The following DSCAML1 variants were observed in gnomAD, a reference collection of about 807,000 sequenced individuals.
DSCAML1 encodes DS cell adhesion molecule like 1, also known as cell adhesion molecule DSCAML1.
A neutral mutation model predicts 200.5 loss-of-function variants in DSCAML1; 38 were observed. The ratio of observed to expected loss-of-function variants is 0.19; its 90% confidence interval spans 0.15 to 0.25. The LOEUF is 0.25. Ranked by LOEUF, DSCAML1 falls within the 10% of genes least tolerant of loss-of-function variation. The probability of loss-of-function intolerance (pLI) is 1.00; values close to 1 mark genes in which losing one functional copy is unlikely to be tolerated. For synonymous variants in DSCAML1, 1,215 were observed against 1,165.0 expected, an observed-to-expected ratio of 1.04 and a Z score of -0.87; for missense variants, 2,223 against 2,858.8, an observed-to-expected ratio of 0.78 and a Z score of 5.07.
At chr11:117,592,901 C>A (rs1320511069) in intron 3 of DSCAML1, among the ~76,000 whole-genome samples, 1 of 152,248 alleles carries the variant, frequency 6.6e-6, no homozygotes, top group East Asian at 1.9e-4. Context: ...AGGGCTTTGA[C>A]CTCAGGCAGC....
chr11:117,706,665 G>A (rs1045690308), intron 3 of DSCAML1, among the ~76,000 whole-genome samples: 9 of 152,216 alleles, frequency 5.9e-5, no homozygotes, highest in African/African-American at 1.9e-4. Context: ...CAGCATTGGG[G>A]AGGAAGGAGG....
intron 3 of DSCAML1, among the ~76,000 whole-genome samples, chr11:117,591,831 G>T (rs2051265026): frequency 6.6e-6 from 1 of 152,144 alleles, no homozygotes; most frequent in Non-Finnish European, 1.5e-5. Context: ...CTTTGCTTGG[G>T]ACTCTCTGTC....
At chr11:117,475,961 CATCTCCCTGACCCTG>C (rs1218700052) in intron 14 of DSCAML1, among the ~76,000 whole-genome samples, 1 of 152,162 alleles carries the variant, frequency 6.6e-6, no homozygotes, top group East Asian at 1.9e-4. Context: ...TGATCACTGT[CATCTCCCTGACCCTG>C]AATGGCTGAG....
intron 3 of DSCAML1, among the ~76,000 whole-genome samples, chr11:117,558,717 A>T (rs2050603828): frequency 6.6e-6 from 1 of 152,232 alleles, no homozygotes. Context: ...AAGCTCCCCG[A>T]AAAAGAAATT....
intron 3 of DSCAML1, among the ~76,000 whole-genome samples, chr11:117,656,202 C>T (rs2052731792): frequency 6.6e-6 from 1 of 152,248 alleles, no homozygotes; most frequent in Non-Finnish European, 1.5e-5. Flanking sequence ...CACGCCACTG[C>T]ACTCCAGCCT....
At chr11:117,730,105 A>C (rs544015430) in intron 3 of DSCAML1, among the ~76,000 whole-genome samples, 1 of 152,306 alleles carries the variant, frequency 6.6e-6, no homozygotes, top group South Asian at 2.1e-4. Context: ...AGGTGGAGGC[A>C]GGAGAATCGT....
At chr11:117,663,723 T>G (rs1417270056) in intron 3 of DSCAML1, among the ~76,000 whole-genome samples, 1 of 152,192 alleles carries the variant, frequency 6.6e-6, no homozygotes, top group Non-Finnish European at 1.5e-5. Context: ...GGAGCAGAGC[T>G]GTTTCCCTCT....
chr11:117,662,903 C>T (rs150318785), intron 3 of DSCAML1, among the ~76,000 whole-genome samples: 1 of 152,280 alleles, frequency 6.6e-6, no homozygotes, highest in African/African-American at 2.4e-5. Context: ...AGATGATTCC[C>T]AAGCATGTGA....
chr11:117,512,665 CACACACACACACACACACACAT>C (rs1178638236), intron 8 of DSCAML1, among the ~76,000 whole-genome samples: 67 of 134,466 alleles, frequency 5.0e-4, no homozygotes, highest in African/African-American at 1.2e-3. Flanking sequence ...CACACACACA[CACACACACACACACACACACAT>C]GCCTGCTATG....
At chr11:117,654,870 C>T (rs1261894001) in intron 3 of DSCAML1, among the ~76,000 whole-genome samples, 3 of 151,984 alleles carry the variant, frequency 2.0e-5, no homozygotes, top group East Asian at 1.9e-4. Flanking sequence ...TGCTTTATTC[C>T]GGGTACCCTG....
chr11:117,533,179 A>G (rs2137346365), intron 3 of DSCAML1, among the ~76,000 whole-genome samples: 1 of 152,276 alleles, frequency 6.6e-6, no homozygotes, highest in South Asian at 2.1e-4. Flanking sequence ...TGTCTGGTGC[A>G]GAATAAGCCC....
chr11:117,767,937 T>C (rs994180464), intron 3 of DSCAML1, among the ~76,000 whole-genome samples: 1 of 152,282 alleles, frequency 6.6e-6, no homozygotes, highest in Middle Eastern at 3.4e-3. Flanking sequence ...CATACACTTA[T>C]GGACTCATAC....
At chr11:117,578,880 T>C (rs939611693) in intron 3 of DSCAML1, among the ~76,000 whole-genome samples, 9 of 152,156 alleles carry the variant, frequency 5.9e-5, no homozygotes, top group Non-Finnish European at 7.3e-5. Flanking sequence ...AAAGTGATCA[T>C]GTTCAGCACA....
chr11:117,742,371 C>A (rs1443583005), intron 3 of DSCAML1, among the ~76,000 whole-genome samples: 2 of 152,186 alleles, frequency 1.3e-5, no homozygotes, highest in Non-Finnish European at 1.5e-5. Context: ...AGCTAAATCC[C>A]TAGGTTGAGC....
Position 117,780,300 on chromosome 11 carries a change from G to A in DSCAML1, c.364+193C>T, listed in dbSNP as rs144492162. On this transcript the variant is annotated intron_variant, in intron 2 of 32. Coordinates refer to ENST00000651296, the MANE Select transcript of DSCAML1 (RefSeq NM_020693.4). The surrounding 1 kb of genome is among the most constrained non-coding windows in gnomAD (Gnocchi z 4.8). The stretch of plus-strand genomic sequence containing the variant: ...AGAAAGAAAGAAAGAAAGAAAGAAA[G>A]AAAGAGAGAAAGGAGAAAGAAAGGT... Among the ~76,000 whole-genome samples, 1 of 111,956 alleles carries A rather than the reference G, an allele frequency of 8.9e-6. No individual in the cohort carries two copies. The highest frequency in any genetic ancestry group is 9.1e-5 in the Admixed American group (1 of 11,048). The allele number at this position is 111,956 out of a possible 152,430, so 73.4% of individuals were successfully genotyped here.
At chr11:117,476,877 T>C (rs114855326) in intron 14 of DSCAML1, among the ~76,000 whole-genome samples, 2,761 of 152,130 alleles carry the variant, frequency 0.018, 42 homozygotes, top group Middle Eastern at 0.031. Context: ...CGGGAGCCGA[T>C]GGTCAGGACC....
intron 1 of DSCAML1, among the ~76,000 whole-genome samples, chr11:117,792,790 G>C (rs2055495596): frequency 1.3e-5 from 2 of 152,116 alleles, no homozygotes; most frequent in Non-Finnish European, 2.9e-5. Flanking sequence ...TCTTCTTCCT[G>C]CACCATGAGA....
intron 15 of DSCAML1, among the ~76,000 whole-genome samples, chr11:117,471,453 T>G (rs1391217795): frequency 1.3e-5 from 2 of 152,364 alleles, no homozygotes; most frequent in Admixed American, 1.3e-4. Flanking sequence ...ATTACAGGCA[T>G]AAGCCACCAC....
intron 3 of DSCAML1, among the ~76,000 whole-genome samples, chr11:117,608,052 T>A (rs779355694): frequency 7.2e-5 from 11 of 152,234 alleles, no homozygotes; most frequent in Non-Finnish European, 1.0e-4. Context: ...TACATTGTAG[T>A]GGGTAAATTC....
Sources: allele counts gnomAD v4.1 joint callset (sites outside exome capture counted in the v4.1 genomes callset), GRCh38; gene constraint gnomAD v4.1.1; non-coding constraint Gnocchi (gnomAD v3.1); transcripts MANE v1.5; gene names NCBI Gene and HGNC (gene_info 2026-07-23, HGNC 2026-07-21).